Variants in MRPL30 observed in about 807,000 individuals in gnomAD.
MRPL30 encodes mitochondrial ribosomal protein L30.
Under a neutral mutation model 17.2 loss-of-function variants are expected in MRPL30, and 10 were observed. The observed-to-expected ratio is 0.58, with a 90% CI of 0.36 to 0.99. MRPL30 has a LOEUF of 0.99. Ranked by LOEUF, MRPL30 falls within the 50% of genes least tolerant of loss-of-function variation. The pLI is 0.01. For synonymous variants in MRPL30, 61 were observed against 62.1 expected (o/e 0.98, Z 0.08); for missense variants, 170 against 189.8 (o/e 0.90, Z 0.61).
intron 1 of MRPL30, among the ~76,000 whole-genome samples, chr2:99,183,555 C>A (rs370567857): frequency 2.4e-4 from 33 of 137,494 alleles, no homozygotes; most frequent in African/African-American, 8.2e-4. Context: ...GGTGACAAAG[C>A]GAGACTCTGT....
In MRPL30 at chr2:99,186,229, T is replaced by C. The variant is rs1219519389; in HGVS notation, c.26T>C (p.Val9Ala). The C allele has an allele frequency of 6.2e-7, 1 of 1,614,114 alleles. No homozygotes were observed. The highest frequency in any genetic ancestry group is 1.1e-5 in the South Asian group (1 of 91,086). Residue 9 changes from valine to alanine, a missense_variant, in exon 2 of 6, where the codon GTT becomes GCT. By Grantham distance (64) the Val-to-Ala change is moderately conservative. Transcript: ENST00000338148. MAGILRLV[V>A]QWPPGRLQTV... is the part of the protein sequence containing the mutation. ...ATGGCTGGGATTTTGCGCTTAGTAG[T>C]TCAATGGCCCCCAGGCAGACTACAG...
At chr2:99,195,308 GTTTT>G (rs200732303) in intron 5 of MRPL30, 119 bp downstream of exon 5, 1 of 972,432 alleles carries the variant, frequency 1.0e-6, no homozygotes, top group African/African-American at 1.7e-5. Flanking sequence ...ATTTTATTTT[GTTTT>G]TTTTTAATTG....
chr2:99,185,510 A>G (rs1574843581), intron 1 of MRPL30, among the ~76,000 whole-genome samples: 2 of 152,332 alleles, frequency 1.3e-5, no homozygotes, highest in East Asian at 3.9e-4. Context: ...TGCTATCAGT[A>G]TAAGTCAGTA....
intron 3 of MRPL30, among the ~76,000 whole-genome samples, chr2:99,189,591 G>T (rs2093940759): frequency 6.6e-6 from 1 of 152,302 alleles, no homozygotes; most frequent in South Asian, 2.1e-4. Flanking sequence ...GAACAAAGCT[G>T]CTATAAACAT....
At position 99,194,760 on chromosome 2, in the gene MRPL30, G is replaced by A. The variant is rs775866298; in HGVS notation, c.142G>A (p.Ala48Thr). 2.5e-6 allele frequency: 4 copies of A among 1,580,880 alleles called. No homozygotes were observed. The Admixed American group carries it at 6.0e-5, about 24-fold the overall frequency. Residue 48 changes from alanine (A) to threonine (T), a missense_variant, in exon 4 of 6, where the codon GCC becomes ACC. Transcript: ENST00000338148. ...ATTCTTTCCTTTCTAGGTGTTTCAG[G>A]CCTCACCTGAAGATCATGAAAAATA... ...RSRIPEKVFQ[A>T]SPEDHEKYGG...
chr2:99,181,844 C>T (rs1385976389), intron 1 of MRPL30, among the ~76,000 whole-genome samples: 1 of 152,182 alleles, frequency 6.6e-6, no homozygotes, highest in African/African-American at 2.4e-5. Flanking sequence ...GACACGCTTC[C>T]AGCTTTCAGA....
intron 1 of MRPL30, among the ~76,000 whole-genome samples, chr2:99,183,568 C>A (rs74410270): frequency 3.0e-3 from 397 of 131,364 alleles, no homozygotes; most frequent in Middle Eastern, 3.8e-3. Context: ...GACTCTGTCT[C>A]AAAAAAAAAA....
At chr2:99,189,959 CAAA>C (rs35594540) in intron 3 of MRPL30, among the ~76,000 whole-genome samples, 2 of 140,414 alleles carry the variant, frequency 1.4e-5, no homozygotes. Context: ...CAGTCTCTAC[CAAA>C]AAAAAAAAAA....
At chr2:99,186,468 G>A (rs1462268211) in intron 2 of MRPL30, among the ~76,000 whole-genome samples, 2 of 152,118 alleles carry the variant, frequency 1.3e-5, no homozygotes, top group Non-Finnish European at 2.9e-5. Flanking sequence ...GAGTAGCTGG[G>A]ACTACAGGTG....
At chr2:99,192,543 T>G (rs2093948476) in intron 3 of MRPL30, among the ~76,000 whole-genome samples, 2 of 152,254 alleles carry the variant, frequency 1.3e-5, no homozygotes, top group Admixed American at 1.3e-4. Flanking sequence ...GCTTCATCCA[T>G]GTCCCTGCAA....
At chr2:99,188,067 T>C (rs2093937049) in intron 2 of MRPL30, 110 bp from the exon 3 acceptor site, 3 of 722,614 alleles carry the variant, frequency 4.2e-6, no homozygotes, top group Non-Finnish European at 6.8e-6. Flanking sequence ...GATATACCTT[T>C]AATAATTATA....
At chr2:99,185,608 A>G (rs1206243304) in intron 1 of MRPL30, among the ~76,000 whole-genome samples, 1 of 152,222 alleles carries the variant, frequency 6.6e-6, no homozygotes, top group East Asian at 1.9e-4. Context: ...AGAATAGTTT[A>G]AAAAGTACAA....
rs1399827399 is a variant in MRPL30 at position 99,181,241 on chromosome 2, C to T, written c.-36C>T. 2 of 447,774 alleles carry T rather than the reference C, an allele frequency of 4.5e-6. No individual in the cohort carries two copies. Among genetic ancestry groups the T allele is most frequent in the Admixed American group, 8.3e-5 (2 of 24,032 alleles). 27.7% of individuals were successfully genotyped at this position (447,774 alleles called of 1,614,324 possible). ...GGAAAATTTCAGGCTGAAGGTTTAG[C>T]GGGTGCCGGTGAGTGGGGAATGAGT... On this transcript the variant is annotated 5_prime_UTR_variant, in exon 1 of 6. Transcript: ENST00000338148.
intron 3 of MRPL30, among the ~76,000 whole-genome samples, chr2:99,194,288 T>G (rs1000970612): frequency 6.6e-6 from 1 of 152,202 alleles, no homozygotes; most frequent in Admixed American, 6.5e-5. Context: ...ATTCAAGTAT[T>G]AGCTCTGTGG....
chr2:99,184,935 G>C (rs1452655710), intron 1 of MRPL30, among the ~76,000 whole-genome samples: 1 of 152,162 alleles, frequency 6.6e-6, no homozygotes, highest in East Asian at 1.9e-4. Flanking sequence ...GCCTATTTTA[G>C]TGTGTTAGAG....
At position 99,186,180 on chromosome 2, in the gene MRPL30, C is replaced by T; in HGVS notation, c.-24C>T. 8.7e-6 allele frequency: 14 copies of T among 1,612,858 alleles called. No individual in the cohort carries two copies. The highest frequency in any genetic ancestry group is 1.2e-5 in the Non-Finnish European group (14 of 1,178,944). ...GTCTACTTCCTACTTCCCACAGCCT[C>T]TAAAGAGAGCAATCACTACACTTAT... On this transcript the variant is annotated 5_prime_UTR_variant, in exon 2 of 6. Transcript: ENST00000338148.
At chr2:99,189,657 G>A (rs868134237) in intron 3 of MRPL30, among the ~76,000 whole-genome samples, 2 of 152,168 alleles carry the variant, frequency 1.3e-5, no homozygotes, top group African/African-American at 2.4e-5. Flanking sequence ...TAAATACCTG[G>A]AGCATAATTG....
At chr2:99,188,470 G>A (rs1265649777) in intron 3 of MRPL30, among the ~76,000 whole-genome samples, 1 of 152,122 alleles carries the variant, frequency 6.6e-6, no homozygotes, top group African/African-American at 2.4e-5. Flanking sequence ...ACAGTAATGG[G>A]TTTTTATTAT....
chr2:99,181,874 A>G (rs2093923147), intron 1 of MRPL30, among the ~76,000 whole-genome samples: 1 of 152,196 alleles, frequency 6.6e-6, no homozygotes, highest in Admixed American at 6.5e-5. Context: ...TATCTCTGCA[A>G]GAGTGATTCC....
Sources: allele counts gnomAD v4.1 joint callset (sites outside exome capture counted in the v4.1 genomes callset), GRCh38; gene constraint gnomAD v4.1.1; transcripts MANE v1.5; gene names NCBI Gene and HGNC (gene_info 2026-07-23, HGNC 2026-07-21).